The following CNTNAP5 variants were observed in gnomAD, a reference collection of about 807,000 sequenced individuals.
CNTNAP5 encodes contactin-associated protein-like 5.
Under a neutral mutation model 150.2 loss-of-function variants are expected in CNTNAP5, and 72 were observed. That is an observed-to-expected ratio of 0.48 (90% CI 0.40 to 0.58). The LOEUF is 0.58. Ranked by LOEUF, CNTNAP5 falls within the 20% of genes least tolerant of loss-of-function variation. The pLI, the probability that CNTNAP5 is intolerant of heterozygous loss-of-function variation, is 0.00. For missense variants in CNTNAP5, 1,636 were observed against 1,626.2 expected, an observed-to-expected ratio of 1.01 and a Z score of -0.10; for synonymous variants, 672 against 619.8, an observed-to-expected ratio of 1.08 and a Z score of -1.25.
chr2:124,878,839 CGCCCG>C (rs113081496), intron 21 of CNTNAP5, among the ~76,000 whole-genome samples: 2,347 of 151,756 alleles, frequency 0.015, 55 homozygotes, highest in African/African-American at 0.053. Flanking sequence ...TGTGCCACCT[CGCCCG>C]GCCAATTTTT....
At position 124,820,822 on chromosome 2, in the gene CNTNAP5, C is replaced by A. The variant is rs1383164025; in HGVS notation, c.3217+22502C>A. Reference sequence around the variant, plus strand: ...TTGTAATAATATTATATGCCACTTACTTTCACATTATATCTCACTGGCTGT... The same window carrying A: ...TTGTAATAATATTATATGCCACTTAATTTCACATTATATCTCACTGGCTGT... On this transcript the variant is annotated intron_variant, in intron 19 of 23. Transcript: ENST00000682447. Among the ~76,000 whole-genome samples, 3 of 152,208 alleles carry A rather than the reference C, an allele frequency of 2.0e-5. No homozygotes were observed. In the East Asian group the frequency reaches 5.8e-4, roughly 29 times the overall value.
chr2:124,910,120 T>C (rs1430636621), intron 22 of CNTNAP5, among the ~76,000 whole-genome samples: 7 of 151,858 alleles, frequency 4.6e-5, no homozygotes, highest in Non-Finnish European at 1.0e-4. Flanking sequence ...ACACCACAAA[T>C]GGCATAAACT....
intron 1 of CNTNAP5, among the ~76,000 whole-genome samples, chr2:124,142,731 T>G (rs1305763264): frequency 9.8e-5 from 13 of 132,530 alleles, no homozygotes; most frequent in African/African-American, 3.5e-4. Flanking sequence ...TTAAAAGAAC[T>G]AGAAAAGCAA....
intron 13 of CNTNAP5, among the ~76,000 whole-genome samples, chr2:124,725,603 C>G (rs1680139966): frequency 1.3e-5 from 2 of 151,054 alleles, no homozygotes; most frequent in Admixed American, 1.3e-4. Flanking sequence ...TCTTTTGGCA[C>G]ATTTAAAGTA....
intron 5 of CNTNAP5, among the ~76,000 whole-genome samples, chr2:124,439,436 T>C (rs1692620918): frequency 6.6e-6 from 1 of 152,224 alleles, no homozygotes; most frequent in Admixed American, 6.5e-5. Context: ...AAAATAACTA[T>C]GCATCATCAA....
intron 9 of CNTNAP5, among the ~76,000 whole-genome samples, chr2:124,524,867 A>C (rs929962777): frequency 4.6e-5 from 7 of 152,134 alleles, no homozygotes; most frequent in African/African-American, 1.7e-4. Flanking sequence ...CATGCTTAGC[A>C]CCCAGGCCCT....
chr2:124,246,182 C>A (rs1687019682), intron 3 of CNTNAP5, among the ~76,000 whole-genome samples: 2 of 152,110 alleles, frequency 1.3e-5, no homozygotes, highest in Admixed American at 1.3e-4. Context: ...AATCCATTCA[C>A]CAGTACTGAA....
At chr2:124,883,955 C>T (rs995004586) in intron 21 of CNTNAP5, among the ~76,000 whole-genome samples, 2 of 149,278 alleles carry the variant, frequency 1.3e-5, no homozygotes, top group African/African-American at 5.0e-5. Context: ...TGTACATGTA[C>T]ACATATGTTT....
intron 1 of CNTNAP5, among the ~76,000 whole-genome samples, chr2:124,083,750 T>C (rs1682614856): frequency 6.6e-6 from 1 of 152,088 alleles, no homozygotes; most frequent in South Asian, 2.1e-4. Context: ...CCTTTTATTT[T>C]TTCTTCCTTC....
chr2:124,693,003 T>C (rs1325974990), intron 13 of CNTNAP5, among the ~76,000 whole-genome samples: 1 of 152,128 alleles, frequency 6.6e-6, no homozygotes, highest in African/African-American at 2.4e-5. Flanking sequence ...TCCTGTGACA[T>C]ATGAATCTTT....
intron 3 of CNTNAP5, among the ~76,000 whole-genome samples, chr2:124,321,378 G>T (rs1689094762): frequency 6.6e-6 from 1 of 151,492 alleles, no homozygotes; most frequent in Admixed American, 6.6e-5. Context: ...GGGAGGCAGA[G>T]GTTGCAGTGA....
At chr2:124,811,576 GATGTTTTC>G (rs1682219934) in intron 19 of CNTNAP5, among the ~76,000 whole-genome samples, 1 of 151,924 alleles carries the variant, frequency 6.6e-6, no homozygotes, top group South Asian at 2.1e-4. Flanking sequence ...GCCCCTTTTT[GATGTTTTC>G]AGTTAATGTA....
rs925290605 is a variant in CNTNAP5 at position 124,918,127 on chromosome 2, G to T, written c.*3839G>T. 2.6e-5 allele frequency among the ~76,000 whole-genome samples: 4 copies of T among 151,964 alleles called. No homozygotes were observed. The highest frequency in any genetic ancestry group is 5.9e-5 in the Non-Finnish European group (4 of 67,958). ...ACATTCTTGTTTCGGGTCAGGTTGGGGGATTCCAAAAGTCTTGCCTCCCAT... is the reference window on the plus strand; with the variant it reads ...ACATTCTTGTTTCGGGTCAGGTTGGTGGATTCCAAAAGTCTTGCCTCCCAT... On this transcript the variant is annotated 3_prime_UTR_variant, in exon 24 of 24. Transcript: ENST00000682447.
chr2:124,088,218 A>T (rs1025149586), intron 1 of CNTNAP5, among the ~76,000 whole-genome samples: 1 of 152,024 alleles, frequency 6.6e-6, no homozygotes, highest in Non-Finnish European at 1.5e-5. Flanking sequence ...TGCTATTAAG[A>T]CTATCAAGCC....
chr2:124,500,135 G>A (rs1694243132), intron 7 of CNTNAP5, among the ~76,000 whole-genome samples: 2 of 152,078 alleles, frequency 1.3e-5, no homozygotes, highest in African/African-American at 4.8e-5. Flanking sequence ...ACCCACATTG[G>A]GGAGGGCACT....
At chr2:124,855,640 T>C (rs2104708260) in intron 19 of CNTNAP5, among the ~76,000 whole-genome samples, 1 of 152,314 alleles carries the variant, frequency 6.6e-6, no homozygotes, top group South Asian at 2.1e-4. Flanking sequence ...GTATTTACCC[T>C]AAGTCCCAGC....
chr2:124,183,293 A>G (rs1243729545), intron 1 of CNTNAP5, among the ~76,000 whole-genome samples: 1 of 152,178 alleles, frequency 6.6e-6, no homozygotes, highest in African/African-American at 2.4e-5. Flanking sequence ...TCTCTGATTC[A>G]TGTTATAGTG....
At chr2:124,297,565 C>T (rs913105479) in intron 3 of CNTNAP5, among the ~76,000 whole-genome samples, 5 of 152,014 alleles carry the variant, frequency 3.3e-5, no homozygotes, top group African/African-American at 1.2e-4. Context: ...CTCCTGCTCC[C>T]TCATATATAC....
chr2:124,347,164 A>G (rs1404810791), intron 3 of CNTNAP5, among the ~76,000 whole-genome samples: 1 of 152,184 alleles, frequency 6.6e-6, no homozygotes, highest in African/African-American at 2.4e-5. Context: ...GTTTATGGTA[A>G]TTTAGTACAG....
Sources: allele counts gnomAD v4.1 joint callset (sites outside exome capture counted in the v4.1 genomes callset), GRCh38; gene constraint gnomAD v4.1.1; transcripts MANE v1.5; gene names NCBI Gene and HGNC (gene_info 2026-07-23, HGNC 2026-07-21).